The following RPTOR variants were observed in gnomAD, a reference collection of about 807,000 sequenced individuals.
RPTOR encodes the protein regulatory-associated protein of mTOR.
RPTOR carries 21 observed loss-of-function variants against 169.9 expected under a neutral mutation model. That is an observed-to-expected ratio of 0.12 (90% CI 0.09 to 0.18). The LOEUF (loss-of-function observed/expected upper bound fraction) is 0.18. Ranked by LOEUF, RPTOR falls within the 10% of genes least tolerant of loss-of-function variation. The probability of loss-of-function intolerance (pLI) is 1.00; values close to 1 mark genes in which losing one functional copy is unlikely to be tolerated. For synonymous variants in RPTOR, 732 were observed against 753.2 expected, an observed-to-expected ratio of 0.97 and a Z score of 0.46; for missense variants, 1,133 against 1,855.9, an observed-to-expected ratio of 0.61 and a Z score of 7.16.
rs540179866 is a variant in RPTOR, at chr17:80,634,263, C to T, written c.265+8470C>T. Among the ~76,000 whole-genome samples the T allele has an allele frequency of 2.4e-3, 128 of 52,544 alleles. 7 individuals are homozygous for T. The highest frequency in any genetic ancestry group is 3.5e-3 in the South Asian group (7 of 1,994). 34.5% of individuals were successfully genotyped at this position (52,544 alleles called of 152,430 possible). ...TGCGTGCATACTGTATGCGTGCATA[C>T]CGTGTGTGTGCGTACTGTGTGTGTG... On this transcript the variant is annotated intron_variant, in intron 2 of 33. Coordinates refer to ENST00000306801, the MANE Select transcript of RPTOR (RefSeq NM_020761.3).
At chr17:80,879,513 T>C (rs760166840) in intron 13 of RPTOR, among the ~76,000 whole-genome samples, 4 of 151,554 alleles carry the variant, frequency 2.6e-5, no homozygotes, top group Admixed American at 6.6e-5. Flanking sequence ...CCCTTCCCCT[T>C]CTTCCCTCAC....
At chr17:80,849,315 G>C (rs2067767571) in intron 11 of RPTOR, among the ~76,000 whole-genome samples, 1 of 152,148 alleles carries the variant, frequency 6.6e-6, no homozygotes, top group South Asian at 2.1e-4. Context: ...CAGAGGCAGT[G>C]GCTGGTGGCC....
At chr17:80,740,405 A>T (rs2066471762) in intron 5 of RPTOR, among the ~76,000 whole-genome samples, 1 of 152,222 alleles carries the variant, frequency 6.6e-6, no homozygotes, top group African/African-American at 2.4e-5. Flanking sequence ...TTGGGAACAC[A>T]TTTCAACTCA....
At chr17:80,894,391 G>A (rs928087221) in intron 20 of RPTOR, among the ~76,000 whole-genome samples, 2 of 152,162 alleles carry the variant, frequency 1.3e-5, no homozygotes, top group East Asian at 1.9e-4. Context: ...TGTCATCCCC[G>A]CCCTGCTCAC....
chr17:80,937,490 A>C (rs1013159860), intron 24 of RPTOR, among the ~76,000 whole-genome samples: 1 of 152,046 alleles, frequency 6.6e-6, no homozygotes, highest in African/African-American at 2.4e-5. Context: ...GTTGTGTTTC[A>C]TTGGCTTTCA....
At chr17:80,673,579 T>C (rs1051996044) in intron 3 of RPTOR, among the ~76,000 whole-genome samples, 1 of 152,240 alleles carries the variant, frequency 6.6e-6, no homozygotes, top group Admixed American at 6.5e-5. Flanking sequence ...GCGGTTGCCG[T>C]GACCTTCGCT....
intron 2 of RPTOR, among the ~76,000 whole-genome samples, chr17:80,634,265 G>GTGTGTGCATACCGTGTGTGTGCGTAC (rs1567830407): frequency 2.6e-5 from 3 of 116,790 alleles, no homozygotes; most frequent in Admixed American, 1.6e-4. Flanking sequence ...CGTGCATACC[G>GTGTGTGCATACCGTGTGTGTGCGTAC]TGTGTGTGCG....
At chr17:80,766,497 G>C (rs1342365565) in intron 6 of RPTOR, among the ~76,000 whole-genome samples, 1 of 152,198 alleles carries the variant, frequency 6.6e-6, no homozygotes, top group African/African-American at 2.4e-5. Context: ...TTCCAGGCAT[G>C]AGCCACCACG....
chr17:80,876,419 G>A (rs1344476964), intron 13 of RPTOR, among the ~76,000 whole-genome samples: 1 of 14,722 alleles, frequency 6.8e-5, no homozygotes, highest in African/African-American at 6.0e-4. Flanking sequence ...TGCCACGCAG[G>A]GTGTGTGTGT....
intron 11 of RPTOR, among the ~76,000 whole-genome samples, chr17:80,850,087 G>T (rs772560742): frequency 2.0e-5 from 3 of 152,222 alleles, no homozygotes; most frequent in Non-Finnish European, 2.9e-5. Flanking sequence ...AATAGATCCA[G>T]GGTATACGGG....
chr17:80,691,704 T>C (rs1598226502), intron 3 of RPTOR, among the ~76,000 whole-genome samples: 2 of 152,216 alleles, frequency 1.3e-5, no homozygotes. Context: ...GCCACGTGTC[T>C]GTCTCCAGGG....
At chr17:80,896,143 A>G (rs1004188974) in intron 20 of RPTOR, among the ~76,000 whole-genome samples, 1 of 150,646 alleles carries the variant, frequency 6.6e-6, no homozygotes, top group East Asian at 1.9e-4. Flanking sequence ...TTTTGTGTTC[A>G]TGTCTTAAGT....
chr17:80,567,956 G>A lies in RPTOR; in HGVS notation c.162+22165G>A, dbSNP rs114619024. ...GAGTCTCACTCTGTTGCTTCGTCTG[G>A]AGTGCAGTGGTGTGATCTTGGCTCA... On this transcript the variant is annotated intron_variant, in intron 1 of 33. Transcript: ENST00000306801. 9.1e-3 allele frequency among the ~76,000 whole-genome samples: 1,374 copies of A among 150,272 alleles called. 31 individuals carry two copies. Among genetic ancestry groups the A allele is most frequent in the African/African-American group, 0.031 (1,277 of 40,888 alleles).
Position 80,544,939 on chromosome 17 carries a change from G to A in RPTOR, c.-691G>A, listed in dbSNP as rs2084254936. 1 of 230,526 alleles carries A rather than the reference G, an allele frequency of 4.3e-6. No homozygotes were observed. Among genetic ancestry groups the A allele is most frequent in the East Asian group, 6.2e-5 (1 of 16,226 alleles). The allele number at this position is 230,526 out of a possible 1,614,324, so 14.3% of individuals were successfully genotyped here. A position where few individuals can be genotyped will look rare whatever the true frequency, so the allele number is the denominator to read the frequency against. On this transcript the variant is annotated 5_prime_UTR_variant, in exon 1 of 34. Transcript: ENST00000306801. Reference sequence around the variant, plus strand: ...TCCCATGACCCAATAAGCCCACATTGTCCCTTTCCTCCGTGGTTCCGTGTC... The same window carrying A: ...TCCCATGACCCAATAAGCCCACATTATCCCTTTCCTCCGTGGTTCCGTGTC...
intron 6 of RPTOR, among the ~76,000 whole-genome samples, chr17:80,760,847 C>G (rs1401186474): frequency 6.6e-6 from 1 of 152,186 alleles, no homozygotes; most frequent in Non-Finnish European, 1.5e-5. Context: ...TATGCTGGCA[C>G]AGCTGCTACA....
At chr17:80,809,546 G>T (rs1402763475) in intron 7 of RPTOR, among the ~76,000 whole-genome samples, 4 of 152,162 alleles carry the variant, frequency 2.6e-5, no homozygotes, top group African/African-American at 9.7e-5. Context: ...TTTGCCTAAT[G>T]ATGACAGAGC....
intron 1 of RPTOR, among the ~76,000 whole-genome samples, chr17:80,619,299 G>A (rs2065337616): frequency 6.6e-6 from 1 of 152,140 alleles, no homozygotes; most frequent in African/African-American, 2.4e-5. Flanking sequence ...TGCTGAACAT[G>A]TTTAATTTCT....
At chr17:80,883,322 G>A (rs1217496615) in intron 14 of RPTOR, 97 bp from the exon 15 acceptor site, 21 of 1,046,338 alleles carry the variant, frequency 2.0e-5, no homozygotes, top group East Asian at 1.2e-4. Context: ...TATGCGCCAC[G>A]CGTGTCATGA....
At chr17:80,578,883 C>T (rs762404001) in intron 1 of RPTOR, among the ~76,000 whole-genome samples, 7 of 152,144 alleles carry the variant, frequency 4.6e-5, no homozygotes, top group Non-Finnish European at 7.3e-5. Context: ...TGGGGGCGGC[C>T]GGCAGCTGGG....
Sources: gnomAD v4.1 joint callset for allele counts (sites outside exome capture counted in the v4.1 genomes callset) on GRCh38, gnomAD v4.1.1 for gene constraint, MANE v1.5 for transcripts, NCBI Gene and HGNC (gene_info 2026-07-23, HGNC 2026-07-21) for gene names.